Variants in PFDN1 observed in about 807,000 individuals in gnomAD.
PFDN1 encodes prefoldin 1.
PFDN1 carries 6 observed loss-of-function variants against 17.3 expected under a neutral mutation model. The observed-to-expected ratio is 0.35, with a 90% confidence interval of 0.19 to 0.69. PFDN1 has a LOEUF of 0.69. Among genes scored for constraint, PFDN1 ranks in the 30% least tolerant of loss-of-function variants. The probability of loss-of-function intolerance (pLI) is 0.65; values close to 1 mark genes in which losing one functional copy is unlikely to be tolerated. For missense variants in PFDN1, 113 were observed against 146.2 expected (o/e 0.77, Z 1.17); for synonymous variants, 58 against 50.1 (o/e 1.16, Z -0.67).
At chr5:140,247,858 A>AGGCCT (rs1463591045) in intron 3 of PFDN1, among the ~76,000 whole-genome samples, 1 of 152,062 alleles carries the variant, frequency 6.6e-6, no homozygotes, top group East Asian at 2.0e-4. Flanking sequence ...TGAACCCAGG[A>AGGCCT]GGCGGAGGCT....
intron 3 of PFDN1, among the ~76,000 whole-genome samples, chr5:140,273,240 A>C (rs1765236133): frequency 6.7e-6 from 1 of 148,596 alleles, no homozygotes; most frequent in Admixed American, 6.7e-5. Context: ...GCAAGACTCC[A>C]TCTCAAAAAA....
rs9042 is a variant in PFDN1, at chr5:140,245,762, A to T, written c.*212T>A. On this transcript the variant is annotated 3_prime_UTR_variant, in exon 4 of 4. Transcript: ENST00000261813. ...TTCATCACACATCCCGAGAGGGAAG[A>T]GTGTCCTGGGCAGAGGTGGCAGGCA... is the stretch of plus-strand genomic sequence containing the variant. 1.6e-5 allele frequency: 10 copies of T among 610,390 alleles called. No individual in the cohort carries two copies. The highest frequency in any genetic ancestry group is 1.4e-4 in the Admixed American group (5 of 35,380). The allele number at this position is 610,390 out of a possible 1,614,324, so 37.8% of individuals were successfully genotyped here.
Position 140,245,987 on chromosome 5 carries a change from C to G in PFDN1, c.356G>C (p.Arg119Pro). The G allele has an allele frequency of 5.8e-6, 9 of 1,555,938 alleles. No individual in the cohort carries two copies. The highest frequency in any genetic ancestry group is 7.8e-6 in the Non-Finnish European group (9 of 1,147,640). Residue 119 changes from arginine (R) to proline (P), a missense_variant, in exon 4 of 4, where the codon CGA becomes CCA. Physicochemically the swap from Arg to Pro is moderately radical, Grantham distance 103. Coordinates refer to ENST00000261813, the MANE Select transcript of PFDN1 (RefSeq NM_002622.5). ...CAGAGAGGCTCCCTACTGGGCCCTTCGTGCCATCAGCATCTCCCGGATGTT... is the reference window on the plus strand; with the variant it reads ...CAGAGAGGCTCCCTACTGGGCCCTTGGTGCCATCAGCATCTCCCGGATGTT... ...EDNIREMLMA[R>P]RAQ
In PFDN1 at chr5:140,245,823, G is replaced by A; in HGVS notation, c.*151C>T. 1.6e-6 allele frequency: 1 copy of A among 628,410 alleles called. No homozygotes were observed. 38.9% of individuals were successfully genotyped at this position (628,410 alleles called of 1,614,324 possible). On this transcript the variant is annotated 3_prime_UTR_variant, in exon 4 of 4. Transcript: ENST00000261813. ...AAAACTCCAGGGCTGGGAAGCAAATGGGGCTCAGGGTGATGCAGAAAATGT... is the reference window on the plus strand; with the variant it reads ...AAAACTCCAGGGCTGGGAAGCAAATAGGGCTCAGGGTGATGCAGAAAATGT...
chr5:140,295,798 T>A (rs568306669), intron 2 of PFDN1, among the ~76,000 whole-genome samples: 1 of 151,974 alleles, frequency 6.6e-6, no homozygotes, highest in African/African-American at 2.4e-5. Flanking sequence ...TCCATACTTA[T>A]GAAATGAAAG....
chr5:140,303,069 G>T lies in PFDN1; in HGVS notation c.5C>A (p.Ala2Asp). Residue 2 changes from alanine (A) to aspartate (D), a missense_variant, in exon 1 of 4, where the codon GCC becomes GAC. Physicochemically the swap from Ala to Asp is moderately radical, Grantham distance 126 (BLOSUM62 -2). Coordinates refer to ENST00000261813, the MANE Select transcript of PFDN1 (RefSeq NM_002622.5). ...CTTCAGCTCTAGATCCACGGGGGCG[G>T]CCATCTTGGTGCACTGTAAGCGCCT... M[A>D]APVDLELKKA... The T allele has an allele frequency of 6.2e-7, 1 of 1,612,066 alleles. No homozygotes were observed. The highest frequency in any genetic ancestry group is 2.2e-5 in the East Asian group (1 of 44,888).
intron 3 of PFDN1, among the ~76,000 whole-genome samples, chr5:140,256,876 A>T (rs1764995151): frequency 1.3e-5 from 2 of 152,094 alleles, no homozygotes; most frequent in Admixed American, 6.6e-5. Flanking sequence ...TCTTGCCTGG[A>T]GGTGTGTCGT....
chr5:140,282,915 C>G (rs183847674), intron 2 of PFDN1, among the ~76,000 whole-genome samples: 6 of 152,248 alleles, frequency 3.9e-5, no homozygotes, highest in Admixed American at 1.3e-4. Context: ...CAGAGTTCAG[C>G]AACAAAGAAC....
rs1331236829 is a variant in PFDN1 at position 140,245,584 on chromosome 5, C to T, written c.*390G>A. 3 of 702,192 alleles carry T rather than the reference C, an allele frequency of 4.3e-6. No homozygotes were observed. In the Admixed American group the frequency reaches 6.0e-5, roughly 14 times the overall value. The allele number at this position is 702,192 out of a possible 1,614,324, so 43.5% of individuals were successfully genotyped here. The stretch of plus-strand genomic sequence containing the variant: ...GAGCTGAGGTGGAGACGGCCACTGC[C>T]TCTCTCACCCTCTGTTCCATCCCTC... On this transcript the variant is annotated 3_prime_UTR_variant, in exon 4 of 4. Transcript: ENST00000261813.
intron 3 of PFDN1, among the ~76,000 whole-genome samples, chr5:140,251,700 G>A (rs181903707): frequency 2.6e-4 from 39 of 152,212 alleles, no homozygotes; most frequent in Admixed American, 7.8e-4. Flanking sequence ...GGCCCTTGCC[G>A]TGATGACAAA....
In PFDN1 at chr5:140,273,787, T is replaced by A. The variant is rs114173771; in HGVS notation, c.285+7662A>T. Reference sequence around the variant, plus strand: ...GGTTTCCTTATTCTTATTCTGTTATTGCTGAGCTAACCAGGGTGGTGAAAG... The same window carrying A: ...GGTTTCCTTATTCTTATTCTGTTATAGCTGAGCTAACCAGGGTGGTGAAAG... On this transcript the variant is annotated intron_variant, in intron 3 of 3. Coordinates refer to ENST00000261813, the MANE Select transcript of PFDN1 (RefSeq NM_002622.5). 583 of 347,200 alleles carry A rather than the reference T, an allele frequency of 1.7e-3. 3 individuals are homozygous for A. The highest frequency in any genetic ancestry group is 0.012 in the African/African-American group (553 of 45,110). The allele number at this position is 347,200 out of a possible 1,614,324, so 21.5% of individuals were successfully genotyped here.
intron 2 of PFDN1, among the ~76,000 whole-genome samples, chr5:140,291,976 C>T (rs1297633914): frequency 1.3e-5 from 2 of 152,190 alleles, no homozygotes; most frequent in Non-Finnish European, 2.9e-5. Flanking sequence ...TAGAGTAACA[C>T]ACACTGCTAT....
chr5:140,261,226 T>C (rs1158913285), intron 3 of PFDN1, among the ~76,000 whole-genome samples: 1 of 151,366 alleles, frequency 6.6e-6, no homozygotes, highest in East Asian at 1.9e-4. Flanking sequence ...TCTCTGTGTC[T>C]GAAAACAGGC....
chr5:140,258,600 T>C (rs1765021580), intron 3 of PFDN1, among the ~76,000 whole-genome samples: 1 of 152,146 alleles, frequency 6.6e-6, no homozygotes. Context: ...ATTTCTGAAA[T>C]ATTCAGGAGG....
At chr5:140,278,576 A>C (rs1168235766) in intron 3 of PFDN1, among the ~76,000 whole-genome samples, 22 of 150,444 alleles carry the variant, frequency 1.5e-4, no homozygotes, top group East Asian at 7.8e-4. Flanking sequence ...AAAAAAAAAA[A>C]AAAAAAAAAA....
chr5:140,280,433 G>T (rs1002647481), intron 3 of PFDN1, among the ~76,000 whole-genome samples: 4 of 152,012 alleles, frequency 2.6e-5, no homozygotes, highest in Non-Finnish European at 5.9e-5. Context: ...TCTTTACTTG[G>T]TTTTTTTGCT....
chr5:140,254,295 G>A lies in PFDN1; in HGVS notation c.286-8238C>T, dbSNP rs1400826915. Among the ~76,000 whole-genome samples the A allele has an allele frequency of 2.0e-5, 3 of 152,220 alleles. No homozygotes were observed. Among genetic ancestry groups the A allele is most frequent in the African/African-American group, 7.2e-5 (3 of 41,450 alleles). Reference sequence around the variant, plus strand: ...TTAAAGGGTAGGACTGAGTCCAGCAGTTAGAGATTTTTAACTTTCACTGAA... The same window carrying A: ...TTAAAGGGTAGGACTGAGTCCAGCAATTAGAGATTTTTAACTTTCACTGAA... On this transcript the variant is annotated intron_variant, in intron 3 of 3. Coordinates refer to ENST00000261813, the MANE Select transcript of PFDN1 (RefSeq NM_002622.5). The surrounding 1 kb of genome is among the most constrained non-coding windows in gnomAD (Gnocchi z 4.4).
intron 3 of PFDN1, among the ~76,000 whole-genome samples, chr5:140,248,260 G>A (rs1490536031): frequency 6.6e-6 from 1 of 151,910 alleles, no homozygotes; most frequent in Non-Finnish European, 1.5e-5. Flanking sequence ...GTAGAGATGG[G>A]GTTTCACTGT....
intron 3 of PFDN1, among the ~76,000 whole-genome samples, chr5:140,260,722 C>A (rs533114405): frequency 6.6e-6 from 1 of 151,618 alleles, no homozygotes; most frequent in Non-Finnish European, 1.5e-5. Flanking sequence ...AGTTAAGTTT[C>A]TTTTGGGGGC....
Sources: allele counts gnomAD v4.1 joint callset (sites outside exome capture counted in the v4.1 genomes callset), GRCh38; gene constraint gnomAD v4.1.1; non-coding constraint Gnocchi (gnomAD v3.1); transcripts MANE v1.5; gene names NCBI Gene and HGNC (gene_info 2026-07-23, HGNC 2026-07-21).